Variants in SLC25A30 observed in about 807,000 individuals in gnomAD.
The protein encoded by SLC25A30 is solute carrier family 25 member 30.
A neutral mutation model predicts 42.7 loss-of-function variants in SLC25A30; 29 were observed. The observed-to-expected ratio is 0.68, with a 90% CI of 0.51 to 0.93. SLC25A30 has a LOEUF of 0.93. SLC25A30 is among the 40% of genes least tolerant of loss of function. The pLI is 0.00. For missense variants in SLC25A30, 300 were observed against 359.7 expected (o/e 0.83, Z 1.34); for synonymous variants, 124 against 131.0 (o/e 0.95, Z 0.37).
the SLC25A30 span, among the ~76,000 whole-genome samples, chr13:45,432,269 C>CAA: frequency 3.7e-3 from 347 of 93,008 alleles, 4 homozygotes; most frequent in African/African-American, 0.012. Flanking sequence ...GACTCTGTTT[C>CAA]AAAAAAAAAA....
At chr13:45,396,350 G>C in intron 9 of SLC25A30, 1 of 1,148,864 alleles carries the variant, frequency 8.7e-7, no homozygotes, top group Non-Finnish European at 1.1e-6. Context: ...GAGAGAGTTA[G>C]CAAGCCCTGG....
the SLC25A30 span, among the ~76,000 whole-genome samples, chr13:45,425,267 C>T: frequency 6.3e-5 from 6 of 95,504 alleles, no homozygotes; most frequent in East Asian, 5.4e-4. Context: ...CGTATATATA[C>T]GTATACATAT....
chr13:45,425,137 AATAT>A, the SLC25A30 span, among the ~76,000 whole-genome samples: 1 of 81,514 alleles, frequency 1.2e-5, no homozygotes, highest in South Asian at 3.4e-4. Context: ...TAAGTATATA[AATAT>A]ATATAAATAT....
rs970568948 is a variant in SLC25A30 at position 45,393,722 on chromosome 13, C to CA, written c.*2251dup. On this transcript the variant is annotated 3_prime_UTR_variant, in exon 10 of 10. Transcript: ENST00000519676. ...GCTTCAACAATTGCATTAACTCTTTCAAAAAAACAGAAAAAGCAGGTTAAG... is the reference window on the plus strand; with the variant it reads ...GCTTCAACAATTGCATTAACTCTTTCAAAAAAAACAGAAAAAGCAGGTTAAG... 24 of 985,150 alleles carry CA rather than the reference C, an allele frequency of 2.4e-5. No individual in the cohort carries two copies. The highest frequency in any genetic ancestry group is 1.7e-4 in the African/African-American group (10 of 57,206). 61.0% of individuals were successfully genotyped at this position (985,150 alleles called of 1,614,324 possible).
upstream of SLC25A30, among the ~76,000 whole-genome samples, chr13:45,421,744 T>C (rs147073913): frequency 5.9e-5 from 9 of 152,314 alleles, no homozygotes; most frequent in South Asian, 1.0e-3. Flanking sequence ...TGTAGAAATA[T>C]CTTTGAATTC....
At chr13:45,397,209 A>G in intron 9 of SLC25A30, 49 bp downstream of exon 9, 1 of 1,206,744 alleles carries the variant, frequency 8.3e-7, no homozygotes, top group Non-Finnish European at 1.2e-6. Flanking sequence ...TACAAATAGT[A>G]TTCTTTAGCT....
intron 6 of SLC25A30, among the ~76,000 whole-genome samples, chr13:45,401,714 C>T (rs1881998592): frequency 1.3e-5 from 2 of 151,400 alleles, no homozygotes; most frequent in African/African-American, 2.4e-5. Flanking sequence ...AAAAAAAGTG[C>T]TTATCCTTCA....
At chr13:45,424,175 A>G in the SLC25A30 span, among the ~76,000 whole-genome samples, 6 of 100,586 alleles carry the variant, frequency 6.0e-5, no homozygotes, top group Admixed American at 4.9e-4. Flanking sequence ...ATATCAATAT[A>G]TATAAATATT....
chr13:45,424,492 T>C, the SLC25A30 span, among the ~76,000 whole-genome samples: 1 of 70,172 alleles, frequency 1.4e-5, no homozygotes, highest in Non-Finnish European at 2.6e-5. Context: ...TATATAAATA[T>C]ATAAATATAT....
At chr13:45,396,390 A>ATCCT (rs1477987876) in intron 9 of SLC25A30, 1 of 1,052,150 alleles carries the variant, frequency 9.5e-7, no homozygotes, top group African/African-American at 1.6e-5. Flanking sequence ...TCCACTATGC[A>ATCCT]TCCTTCCTTG....
the SLC25A30 span, among the ~76,000 whole-genome samples, chr13:45,432,065 T>C: frequency 1.3e-5 from 2 of 151,780 alleles, no homozygotes; most frequent in East Asian, 1.9e-4. Flanking sequence ...AGGTCAGGAG[T>C]ATGACACCAG....
upstream of SLC25A30, among the ~76,000 whole-genome samples, chr13:45,421,279 T>A (rs75073017): frequency 2.1e-3 from 310 of 144,900 alleles, 1 homozygote; most frequent in African/African-American, 7.6e-3. Flanking sequence ...CTTGGGAGGC[T>A]AAGGCAGGAG....
chr13:45,417,534 C>T (rs911549306), intron 1 of SLC25A30, among the ~76,000 whole-genome samples: 2 of 152,082 alleles, frequency 1.3e-5, no homozygotes, highest in African/African-American at 4.8e-5. Context: ...CACAGACTTA[C>T]AAAAAGCCGG....
chr13:45,413,727 T>C (rs942496723), intron 1 of SLC25A30, among the ~76,000 whole-genome samples: 5 of 152,186 alleles, frequency 3.3e-5, no homozygotes, highest in African/African-American at 1.2e-4. Context: ...GCTAATTTTG[T>C]ATTTTAATAG....
At chr13:45,400,768 A>G (rs542561760) in intron 7 of SLC25A30, among the ~76,000 whole-genome samples, 2 of 152,304 alleles carry the variant, frequency 1.3e-5, no homozygotes, top group East Asian at 3.9e-4. Context: ...AAGTCCTAAG[A>G]TTACAGGCGT....
intron 7 of SLC25A30, among the ~76,000 whole-genome samples, chr13:45,400,014 T>TTATATATATA (rs1322955547): frequency 0.074 from 6,343 of 85,242 alleles, 259 homozygotes; most frequent in Non-Finnish European, 0.1. Context: ...TTATGTATGA[T>TTATATATATA]TATATATATA....
chr13:45,410,429 G>A (rs12866118), intron 2 of SLC25A30, among the ~76,000 whole-genome samples: 21,963 of 152,246 alleles, frequency 0.14, 1,808 homozygotes, highest in African/African-American at 0.21. Context: ...TACTTTGGGA[G>A]GCCAAGGGAG....
intron 9 of SLC25A30, chr13:45,396,664 C>T (rs1459774768): frequency 6.5e-6 from 1 of 154,904 alleles, no homozygotes; most frequent in Admixed American, 6.4e-5. Flanking sequence ...CCCAACTACT[C>T]AGGAGGCCAA....
chr13:45,425,444 A>T, the SLC25A30 span, among the ~76,000 whole-genome samples: 30,295 of 103,804 alleles, frequency 0.29, 5,651 homozygotes, highest in Non-Finnish European at 0.39. Flanking sequence ...ATGTATATAT[A>T]AATATATAAG....
Sources: gnomAD v4.1 joint callset for allele counts (sites outside exome capture counted in the v4.1 genomes callset) on GRCh38, gnomAD v4.1.1 for gene constraint, MANE v1.5 for transcripts, NCBI Gene and HGNC (gene_info 2026-07-23, HGNC 2026-07-21) for gene names.